The following MYO3A variants were observed in gnomAD, a reference collection of about 807,000 sequenced individuals.
MYO3A encodes the protein myosin-IIIa.
Under a neutral mutation model 192.7 loss-of-function variants are expected in MYO3A, and 180 were observed. The observed-to-expected ratio is 0.93, with a 90% CI of 0.83 to 1.06. The LOEUF (loss-of-function observed/expected upper bound fraction) is 1.06, where lower values mean the gene tolerates loss of function less well. MYO3A is among the 50% of genes least tolerant of loss of function. The pLI, the probability that MYO3A is intolerant of heterozygous loss-of-function variation, is 0.00. For synonymous variants in MYO3A, 628 were observed against 645.3 expected (o/e 0.97, Z 0.41); for missense variants, 1,896 against 1,905.0 (o/e 1.00, Z 0.09).
intron 32 of MYO3A, among the ~76,000 whole-genome samples, chr10:26,200,189 GCCAA>G (rs2132196385): frequency 6.6e-6 from 1 of 152,182 alleles, no homozygotes; most frequent in African/African-American, 2.4e-5. Context: ...CCGTTAAAAT[GCCAA>G]CCAATAAGAA....
At chr10:26,115,825 G>T (rs140612675) in intron 17 of MYO3A, among the ~76,000 whole-genome samples, 46 of 152,190 alleles carry the variant, frequency 3.0e-4, no homozygotes, top group African/African-American at 1.1e-3. Flanking sequence ...TGCATAAGAA[G>T]ATCTAATAAT....
At chr10:26,000,982 G>A (rs77786532) in intron 6 of MYO3A, among the ~76,000 whole-genome samples, 9,740 of 152,152 alleles carry the variant, frequency 0.064, 404 homozygotes, top group Non-Finnish European at 0.094. Context: ...AGAGTGATGG[G>A]GGAAGGGCTA....
chr10:26,011,570 G>A (rs909967939), intron 6 of MYO3A, among the ~76,000 whole-genome samples: 4 of 152,082 alleles, frequency 2.6e-5, no homozygotes, highest in Non-Finnish European at 5.9e-5. Flanking sequence ...ATTGAATCAG[G>A]AAGTAATGGA....
At chr10:26,055,302 G>A (rs1268396773) in intron 10 of MYO3A, among the ~76,000 whole-genome samples, 1 of 152,110 alleles carries the variant, frequency 6.6e-6, no homozygotes, top group Admixed American at 6.5e-5. Context: ...GAGGTTAGAA[G>A]TTGTCACTCC....
chr10:25,997,811 G>A lies in MYO3A; in HGVS notation c.508+553G>A, dbSNP rs181402830. On this transcript the variant is annotated intron_variant, in intron 6 of 34. Coordinates refer to ENST00000642920, the MANE Select transcript of MYO3A (RefSeq NM_017433.5). ...CTCTGAGAAAGGCAGAGCTGAGAGA[G>A]GGGAAGAATGGGGGTGTTTGATAAC... 1.6e-4 allele frequency among the ~76,000 whole-genome samples: 24 copies of A among 152,350 alleles called. 1 individual carries two copies. Among genetic ancestry groups the A allele is most frequent in the African/African-American group, 5.8e-4 (24 of 41,584 alleles).
chr10:26,086,269 T>G (rs551562576), intron 14 of MYO3A, among the ~76,000 whole-genome samples: 2 of 151,982 alleles, frequency 1.3e-5, no homozygotes, highest in South Asian at 4.2e-4. Context: ...AACCATCAGG[T>G]CTCATGAGAA....
chr10:25,971,929 G>A (rs1588681937), intron 4 of MYO3A, among the ~76,000 whole-genome samples: 1 of 151,994 alleles, frequency 6.6e-6, no homozygotes, highest in Non-Finnish European at 1.5e-5. Flanking sequence ...TGTAACCTCC[G>A]CCTCCCGGGT....
chr10:26,144,158 A>C (rs1248400512), intron 21 of MYO3A, among the ~76,000 whole-genome samples: 3 of 152,126 alleles, frequency 2.0e-5, no homozygotes, highest in Non-Finnish European at 4.4e-5. Context: ...ACATTTTAAA[A>C]GATCACCATT....
chr10:26,092,041 A>G (rs1836732542), intron 15 of MYO3A, among the ~76,000 whole-genome samples: 1 of 152,238 alleles, frequency 6.6e-6, no homozygotes, highest in Non-Finnish European at 1.5e-5. Flanking sequence ...GCTAAGATTG[A>G]GCAGGTAGGT....
chr10:26,105,931 G>A (rs952353941), intron 17 of MYO3A, among the ~76,000 whole-genome samples: 4 of 151,830 alleles, frequency 2.6e-5, no homozygotes, highest in African/African-American at 9.7e-5. Flanking sequence ...CTATATTAAG[G>A]CCTTATATGA....
chr10:25,983,518 A>C (rs1299648915), intron 4 of MYO3A, among the ~76,000 whole-genome samples: 1 of 152,156 alleles, frequency 6.6e-6, no homozygotes, highest in Non-Finnish European at 1.5e-5. Flanking sequence ...CGGCCTCCCA[A>C]AGTGCTGGGA....
intron 31 of MYO3A, among the ~76,000 whole-genome samples, chr10:26,192,261 C>A (rs1212562417): frequency 1.3e-5 from 2 of 152,154 alleles, no homozygotes; most frequent in Non-Finnish European, 2.9e-5. Flanking sequence ...AAAATTTATT[C>A]TCTCTTGGTC....
At chr10:26,020,900 G>A (rs1249517988) in intron 7 of MYO3A, among the ~76,000 whole-genome samples, 1 of 152,012 alleles carries the variant, frequency 6.6e-6, no homozygotes, top group African/African-American at 2.4e-5. Flanking sequence ...TACAATTTAG[G>A]GTGGCCCCAG....
At position 26,128,479 on chromosome 10, in the gene MYO3A, A is replaced by G; in HGVS notation, c.2203A>G (p.Asn735Asp). Residue 735 changes from asparagine to aspartate, a missense_variant, in exon 20 of 35, where the codon AAC (asparagine) becomes GAC (aspartate). By Grantham distance (23) the Asn-to-Asp change is conservative. Coordinates refer to ENST00000642920, the MANE Select transcript of MYO3A (RefSeq NM_017433.5). ...KKNSFEQLCI[N>D]IANEQIQYYY... ...AAATTCCTTCGAGCAGCTGTGCATTAACATTGCAAATGAACAAATTCAGTA... is the reference window on the plus strand; with the variant it reads ...AAATTCCTTCGAGCAGCTGTGCATTGACATTGCAAATGAACAAATTCAGTA... 1 of 1,612,674 alleles carries G rather than the reference A, an allele frequency of 6.2e-7. No homozygotes were observed. The highest frequency in any genetic ancestry group is 1.1e-5 in the South Asian group (1 of 91,046).
chr10:26,212,220 G>C lies in MYO3A; in HGVS notation c.*257G>C. The C allele has an allele frequency of 1.9e-6, 1 of 520,826 alleles. No individual in the cohort carries two copies. The allele number at this position is 520,826 out of a possible 1,614,324, so 32.3% of individuals were successfully genotyped here. A position where few individuals can be genotyped will look rare whatever the true frequency, so the allele number is the denominator to read the frequency against. On this transcript the variant is annotated 3_prime_UTR_variant, in exon 35 of 35. Transcript: ENST00000642920. ...CCGCACCCTCCTTTCTCACCAGCCC[G>C]CCAGTTGTGGCAACCCTGTCCTTGT...
intron 31 of MYO3A, among the ~76,000 whole-genome samples, chr10:26,180,518 C>G (rs1163489196): frequency 6.6e-6 from 1 of 151,976 alleles, no homozygotes; most frequent in Non-Finnish European, 1.5e-5. Flanking sequence ...TGCAATAAGA[C>G]AGCAAAGAGA....
At chr10:26,120,842 A>T (rs1838820156) in intron 18 of MYO3A, 40 bp downstream of exon 18, 3 of 1,609,132 alleles carry the variant, frequency 1.9e-6, no homozygotes, top group Non-Finnish European at 2.6e-6. Flanking sequence ...GAAATCTTTC[A>T]AATCTTATGA....
chr10:26,034,609 C>G (rs568360163), intron 10 of MYO3A, among the ~76,000 whole-genome samples: 71 of 152,182 alleles, frequency 4.7e-4, no homozygotes, highest in Non-Finnish European at 8.7e-4. Flanking sequence ...ATAATGATAG[C>G]TCCATCATTA....
chr10:26,139,929 T>C (rs1467840101), intron 20 of MYO3A, among the ~76,000 whole-genome samples: 1 of 151,676 alleles, frequency 6.6e-6, no homozygotes, highest in East Asian at 1.9e-4. Flanking sequence ...GCCTGTAAAA[T>C]GTTCATACCA....
Sources: allele counts gnomAD v4.1 joint callset (sites outside exome capture counted in the v4.1 genomes callset), GRCh38; gene constraint gnomAD v4.1.1; transcripts MANE v1.5; gene names NCBI Gene and HGNC (gene_info 2026-07-23, HGNC 2026-07-21).